Variants in DOCK9 observed in about 807,000 individuals in gnomAD.
DOCK9 encodes dedicator of cytokinesis protein 9.
In DOCK9, 89 loss-of-function variants were observed where a neutral mutation model predicts 263.3. The ratio of observed to expected loss-of-function variants is 0.34; its 90% CI spans 0.28 to 0.40. DOCK9 has a LOEUF of 0.40. Ranked by LOEUF, DOCK9 falls within the 10% of genes least tolerant of loss-of-function variation. The pLI, the probability that DOCK9 is intolerant of heterozygous loss-of-function variation, is 1.00. For missense variants in DOCK9, 2,140 were observed against 2,603.4 expected, an observed-to-expected ratio of 0.82 and a Z score of 3.87; for synonymous variants, 976 against 973.1, an observed-to-expected ratio of 1.00 and a Z score of -0.06.
intron 37 of DOCK9, among the ~76,000 whole-genome samples, chr13:98,847,912 G>A (rs1410651255): frequency 1.3e-5 from 2 of 152,204 alleles, no homozygotes; most frequent in Non-Finnish European, 2.9e-5. Flanking sequence ...AGGACAAGAG[G>A]TGCTGCGAAG....
At chr13:98,993,725 A>C (rs1239175535) in intron 1 of DOCK9, among the ~76,000 whole-genome samples, 2 of 152,264 alleles carry the variant, frequency 1.3e-5, no homozygotes, top group Non-Finnish European at 2.9e-5. Flanking sequence ...TGGGTGACAG[A>C]GCGAGACTCC....
At chr13:99,036,634 C>A (rs568619818) in intron 1 of DOCK9, among the ~76,000 whole-genome samples, 2 of 152,294 alleles carry the variant, frequency 1.3e-5, no homozygotes, top group South Asian at 4.1e-4. Context: ...CTCCGATTCC[C>A]TGATTCAAGT....
chr13:98,846,682 C>A (rs1009266458), intron 37 of DOCK9: 2 of 611,824 alleles, frequency 3.3e-6, no homozygotes, highest in South Asian at 3.0e-5. Flanking sequence ...GACACCTGTC[C>A]CCTGTCCCGG....
In DOCK9 at chr13:99,000,936, G is replaced by A. The variant is rs75961320; in HGVS notation, c.130-45385C>T. Among the ~76,000 whole-genome samples the A allele has an allele frequency of 5.2e-4, 79 of 152,312 alleles. 1 individual carries two copies. The East Asian group carries it at 0.014, about 28-fold the overall frequency. ...GAGCTCAGGAGCACCTAGGGTGGGAGGGCAAGGCTCTGCAGTTTGGGGTTC... is the reference window on the plus strand; with the variant it reads ...GAGCTCAGGAGCACCTAGGGTGGGAAGGCAAGGCTCTGCAGTTTGGGGTTC... On this transcript the variant is annotated intron_variant, in intron 1 of 32. Coordinates refer to the DOCK9 transcript ENST00000427887.
intron 38 of DOCK9, among the ~76,000 whole-genome samples, chr13:98,845,578 G>C (rs562380878): frequency 6.6e-6 from 1 of 152,206 alleles, no homozygotes; most frequent in Non-Finnish European, 1.5e-5. Context: ...GAGTTGCAGG[G>C]GAAAGCCAAC....
intron 37 of DOCK9, chr13:98,846,372 G>C (rs1451866072): frequency 1.6e-6 from 1 of 633,346 alleles, no homozygotes; most frequent in African/African-American, 1.9e-5. Context: ...TCTGACGACT[G>C]TCAAAACGTC....
At chr13:98,856,311 A>T in intron 33 of DOCK9, 1 of 264,528 alleles carries the variant, frequency 3.8e-6, no homozygotes, top group Non-Finnish European at 7.2e-6. Context: ...AGAATGTGAT[A>T]GAATGAAGAC....
At chr13:98,797,527 G>T in intron 50 of DOCK9, 38 bp from the exon 51 acceptor site, 1 of 1,542,286 alleles carries the variant, frequency 6.5e-7, no homozygotes. Context: ...CCACTAGGAA[G>T]AAAATCACCA....
intron 1 of DOCK9, among the ~76,000 whole-genome samples, chr13:99,027,824 G>A (rs1447846608): frequency 4.6e-5 from 7 of 152,128 alleles, no homozygotes; most frequent in Non-Finnish European, 1.0e-4. Flanking sequence ...CACTGAATGT[G>A]CCAGTTCTGA....
chr13:98,814,042 A>G (rs2091573932), intron 45 of DOCK9, among the ~76,000 whole-genome samples: 1 of 152,246 alleles, frequency 6.6e-6, no homozygotes. Context: ...GTTTTTCATT[A>G]CCAGCCCTAA....
rs187383509 is a variant in DOCK9 at position 98,793,790 on chromosome 13, C to A, written c.*836G>T. ...TCTCCATATTGCACATTTTTATGTA[C>A]AAGAATAAAACATTAAAGTGTATTG... On this transcript the variant is annotated 3_prime_UTR_variant, in exon 53 of 53. Coordinates refer to ENST00000682017, the MANE Select transcript of DOCK9 (RefSeq NM_001366683.2). 2 of 152,350 alleles carry A rather than the reference C, an allele frequency of 1.3e-5. No individual in the cohort carries two copies. Among genetic ancestry groups the A allele is most frequent in the Non-Finnish European group, 1.5e-5 (1 of 67,976 alleles). 9.4% of individuals were successfully genotyped at this position (152,350 alleles called of 1,614,324 possible). A position where few individuals can be genotyped will look rare whatever the true frequency, so the allele number is the denominator to read the frequency against.
intron 1 of DOCK9, among the ~76,000 whole-genome samples, chr13:98,958,448 C>T (rs2058305100): frequency 1.3e-5 from 2 of 152,354 alleles, no homozygotes; most frequent in Middle Eastern, 3.4e-3. Flanking sequence ...ATCTCTGTTC[C>T]CGAACTTACT....
chr13:98,998,351 C>A (rs1454164984), intron 1 of DOCK9, among the ~76,000 whole-genome samples: 2 of 152,204 alleles, frequency 1.3e-5, no homozygotes, highest in Non-Finnish European at 2.9e-5. Flanking sequence ...TGGGTATCCA[C>A]TAAGACTGAT....
At chr13:98,972,311 TA>T (rs1370680445) in intron 1 of DOCK9, among the ~76,000 whole-genome samples, 2 of 152,194 alleles carry the variant, frequency 1.3e-5, no homozygotes, top group African/African-American at 2.4e-5. Flanking sequence ...TACCTTGCTA[TA>T]AAAAAACAGT....
At chr13:98,982,181 T>C (rs937754449), upstream of DOCK9, among the ~76,000 whole-genome samples, 6 of 152,218 alleles carry the variant, frequency 3.9e-5, no homozygotes, top group African/African-American at 1.4e-4. Flanking sequence ...CACAAATTTA[T>C]TATACAGCTC....
chr13:98,875,490 T>C (rs1239453077), intron 27 of DOCK9, among the ~76,000 whole-genome samples: 1 of 152,246 alleles, frequency 6.6e-6, no homozygotes, highest in Non-Finnish European at 1.5e-5. Flanking sequence ...CATCCTACCC[T>C]ATGCTAGGTT....
chr13:98,795,249 T>C (rs1250437813), intron 52 of DOCK9, among the ~76,000 whole-genome samples: 1 of 152,222 alleles, frequency 6.6e-6, no homozygotes, highest in African/African-American at 2.4e-5. Flanking sequence ...AAAAATGAAT[T>C]TGAAGCATTT....
intron 1 of DOCK9, among the ~76,000 whole-genome samples, chr13:99,049,503 G>A (rs1230197582): frequency 6.6e-6 from 1 of 152,290 alleles, no homozygotes; most frequent in African/African-American, 2.4e-5. Flanking sequence ...GTGTGTTAAA[G>A]GCTACTGATG....
chr13:98,833,492 C>T (rs1249113100), intron 39 of DOCK9, among the ~76,000 whole-genome samples: 1 of 152,132 alleles, frequency 6.6e-6, no homozygotes, highest in African/African-American at 2.4e-5. Context: ...CCACCTTTCC[C>T]ATGTTTCTCT....
Sources: gnomAD v4.1 joint callset for allele counts (sites outside exome capture counted in the v4.1 genomes callset) on GRCh38, gnomAD v4.1.1 for gene constraint, MANE v1.5 for transcripts, NCBI Gene and HGNC (gene_info 2026-07-23, HGNC 2026-07-21) for gene names.